Variants in FAM186A observed in about 807,000 individuals in gnomAD.
FAM186A encodes protein FAM186A.
Under a neutral mutation model 216.8 loss-of-function variants are expected in FAM186A, and 163 were observed. That is an observed-to-expected ratio of 0.75 (90% CI 0.66 to 0.86). The LOEUF (loss-of-function observed/expected upper bound fraction) is 0.86. FAM186A is among the 40% of genes least tolerant of loss of function. The pLI, the probability that FAM186A is intolerant of heterozygous loss-of-function variation, is 0.00. For missense variants in FAM186A, 2,184 were observed against 2,746.2 expected, an observed-to-expected ratio of 0.80 and a Z score of 4.58; for synonymous variants, 805 against 1,025.3, an observed-to-expected ratio of 0.79 and a Z score of 4.10.
rs140887681 is a variant in FAM186A at position 50,360,105 on chromosome 12, G to A, written c.583+651C>T. Reference sequence around the variant, plus strand: ...AAAAAGTACAAAAAATTAGCCAGGCGTGGTGGCAGGTGCCTGTAATCCCAG... The same window carrying A: ...AAAAAGTACAAAAAATTAGCCAGGCATGGTGGCAGGTGCCTGTAATCCCAG... On this transcript the variant is annotated intron_variant, in intron 3 of 7. Transcript: ENST00000327337. Among the ~76,000 whole-genome samples, 862 of 151,906 alleles carry A rather than the reference G, an allele frequency of 5.7e-3. 6 individuals are homozygous for A. Among genetic ancestry groups the A allele is most frequent in the African/African-American group, 0.02 (839 of 41,416 alleles).
At chr12:50,356,349 CTAAT>C (rs1942977555) in intron 3 of FAM186A, 101 bp from the exon 4 acceptor site, 2 of 856,060 alleles carry the variant, frequency 2.3e-6, no homozygotes, top group Non-Finnish European at 3.4e-6. Flanking sequence ...TTAACTATAA[CTAAT>C]TAAATATAAG....
intron 1 of FAM186A, among the ~76,000 whole-genome samples, chr12:50,375,050 T>A (rs1395122546): frequency 6.6e-6 from 1 of 152,030 alleles, no homozygotes; most frequent in Admixed American, 6.6e-5. Context: ...TGGTGGCATG[T>A]GCCTGTAGTC....
At chr12:50,361,293 G>A (rs916136485) in intron 2 of FAM186A, among the ~76,000 whole-genome samples, 1 of 152,220 alleles carries the variant, frequency 6.6e-6, no homozygotes. Context: ...CTGCCTCCCA[G>A]GTTCAAGCGA....
chr12:50,337,761 TG>T (rs1403798246), intron 4 of FAM186A, among the ~76,000 whole-genome samples: 1 of 151,946 alleles, frequency 6.6e-6, no homozygotes, highest in Non-Finnish European at 1.5e-5. Flanking sequence ...CTGGGCGTGG[TG>T]GCAAGCGCCT....
chr12:50,339,064 G>A (rs1316412968), intron 4 of FAM186A, among the ~76,000 whole-genome samples: 4 of 151,970 alleles, frequency 2.6e-5, no homozygotes, highest in Non-Finnish European at 5.9e-5. Context: ...GCCCAGGCTG[G>A]AGTGTAGTGG....
chr12:50,363,855 TA>T (rs2136098123), intron 1 of FAM186A, among the ~76,000 whole-genome samples: 1 of 152,256 alleles, frequency 6.6e-6, no homozygotes, highest in East Asian at 1.9e-4. Context: ...GTTATCAGAC[TA>T]TGCCTCAAAC....
intron 1 of FAM186A, among the ~76,000 whole-genome samples, chr12:50,377,991 C>A (rs1421270937): frequency 6.6e-6 from 1 of 152,020 alleles, no homozygotes; most frequent in African/African-American, 2.4e-5. Flanking sequence ...TTTGGGCGGC[C>A]AAGGCAGGTG....
chr12:50,353,783 A>G lies in FAM186A; in HGVS notation c.3049T>C (p.Leu1017=). ...MTLSPRWKSV[L]KDVQRSYEGK... is the part of the protein sequence containing the mutation. ...TCATATGACCGCTGTACATCTTTCAATACACTCTTCCACCTGGGAGATAAT... is the reference window on the plus strand; with the variant it reads ...TCATATGACCGCTGTACATCTTTCAGTACACTCTTCCACCTGGGAGATAAT... Residue 1017 remains leucine, a synonymous_variant, in exon 4 of 8, where the codon TTG becomes CTG. Coordinates refer to ENST00000327337, the MANE Select transcript of FAM186A (RefSeq NM_001145475.3). 2 of 1,551,562 alleles carry G rather than the reference A, an allele frequency of 1.3e-6. No homozygotes were observed. The highest frequency in any genetic ancestry group is 1.7e-6 in the Non-Finnish European group (2 of 1,146,954).
rs12316019 is a variant in FAM186A at position 50,351,853 on chromosome 12, G to A, written c.4979C>T (p.Ala1660Val). 3.3e-4 allele frequency: 504 copies of A among 1,544,080 alleles called. 2 individuals are homozygous for A. The African/African-American group carries it at 6.2e-3, about 19-fold the overall frequency. Reference sequence around the variant, plus strand: ...GGTTTGCTCAGAGGTAAGAGTGACAGCTGACACCCAGGCATTTACTGGGGT... The same window carrying A: ...GGTTTGCTCAGAGGTAAGAGTGACAACTGACACCCAGGCATTTACTGGGGT... ...PITPVNAWVS[A>V]VTLTSEQTHA... The change falls in exon 4 of 8, where the codon GCT becomes GTT. Residue 1660 changes from alanine (A) to valine (V), a missense_variant. By Grantham distance (64) the Ala-to-Val change is moderately conservative. Coordinates refer to ENST00000327337, the MANE Select transcript of FAM186A (RefSeq NM_001145475.3).
At chr12:50,333,881 G>T (rs1942680086) in intron 5 of FAM186A, 30 bp downstream of exon 5, 5 of 1,537,290 alleles carry the variant, frequency 3.3e-6, no homozygotes, top group Non-Finnish European at 4.4e-6. Context: ...TTTACAACAT[G>T]CTGGACAGAG....
rs1482011275 is a variant in FAM186A at position 50,350,488 on chromosome 12, T to C, written c.6344A>G (p.Asn2115Ser). 4 of 1,551,482 alleles carry C rather than the reference T, an allele frequency of 2.6e-6. No individual in the cohort carries two copies. The East Asian group carries it at 7.3e-5, about 28-fold the overall frequency. ...YFVDVEAQKK[N>S]LILLNQAIKT... ...TATAGCCTGATTTAATAGTATCAGG[T>C]TCTTCTTCTGAGCCTCCACATCAAC... Residue 2115 changes from asparagine (N) to serine (S), a missense_variant, in exon 4 of 8, where the codon AAC becomes AGC. Physicochemically the swap from Asn to Ser is conservative, Grantham distance 46. Transcript: ENST00000327337.
chr12:50,375,716 C>CA lies in FAM186A; in HGVS notation c.193-12353dup, dbSNP rs1188382834. 4.7e-3 allele frequency among the ~76,000 whole-genome samples: 533 copies of CA among 112,716 alleles called. 8 individuals are homozygous for CA. The highest frequency in any genetic ancestry group is 0.015 in the African/African-American group (486 of 32,364). The allele number at this position is 112,716 out of a possible 152,430, so 73.9% of individuals were successfully genotyped here. A position where few individuals can be genotyped will look rare whatever the true frequency, so the allele number is the denominator to read the frequency against. Reference sequence around the variant, plus strand: ...TGGGTGACAGAGGGAGACTCCATCTCAAAAAAAAAAAGAAAAAGAAAAAGA... The same window carrying CA: ...TGGGTGACAGAGGGAGACTCCATCTCAAAAAAAAAAAAGAAAAAGAAAAAGA... On this transcript the variant is annotated intron_variant, in intron 1 of 7. Coordinates refer to ENST00000327337, the MANE Select transcript of FAM186A (RefSeq NM_001145475.3).
chr12:50,328,227 A>G (rs956130031), intron 7 of FAM186A, among the ~76,000 whole-genome samples: 26 of 152,190 alleles, frequency 1.7e-4, no homozygotes, highest in African/African-American at 5.8e-4. Flanking sequence ...TGATATATCT[A>G]TACAATGGGC....
intron 4 of FAM186A, among the ~76,000 whole-genome samples, chr12:50,341,411 G>C (rs1315175308): frequency 1.3e-5 from 2 of 152,150 alleles, no homozygotes; most frequent in African/African-American, 4.8e-5. Flanking sequence ...CTTTCTGAAA[G>C]AATGAATTGA....
At chr12:50,342,136 G>GA (rs1008380385) in intron 4 of FAM186A, among the ~76,000 whole-genome samples, 42 of 146,574 alleles carry the variant, frequency 2.9e-4, no homozygotes, top group African/African-American at 6.7e-4. Flanking sequence ...GTCAAGGAAG[G>GA]AAAAAAAAAA....
chr12:50,350,767 T>C lies in FAM186A; in HGVS notation c.6065A>G (p.Tyr2022Cys), dbSNP rs1473537168. The C allele has an allele frequency of 6.4e-7, 1 of 1,551,706 alleles. No homozygotes were observed. The highest frequency in any genetic ancestry group is 1.2e-5 in the South Asian group (1 of 84,056). Residue 2022 changes from tyrosine to cysteine, a missense_variant, in exon 4 of 8, where the codon TAT becomes TGT. This residue lies in a region of FAM186A where 721 missense variants were observed against 816.4 expected (regional missense o/e 0.88). Coordinates refer to ENST00000327337, the MANE Select transcript of FAM186A (RefSeq NM_001145475.3). The part of the protein sequence containing the change: ...FRTFQSHFTK[Y>C]RTPVYQTPYT... ...AGGGGTTTGGTATACTGGTGTCCTA[T>C]ATTTGGTGAAATGGGACTGAAATGT...
At chr12:50,390,100 T>C (rs1407670915) in intron 1 of FAM186A, among the ~76,000 whole-genome samples, 2 of 152,156 alleles carry the variant, frequency 1.3e-5, no homozygotes. Flanking sequence ...CAGGATGGGT[T>C]TGGGGACACA....
chr12:50,367,284 C>T (rs7302363), intron 1 of FAM186A, among the ~76,000 whole-genome samples: 48,714 of 151,542 alleles, frequency 0.32, 8,102 homozygotes, highest in South Asian at 0.49. Flanking sequence ...TTTGGGAGGC[C>T]GAGGCAGGCG....
At chr12:50,391,543 T>G (rs1943357384) in intron 1 of FAM186A, among the ~76,000 whole-genome samples, 1 of 151,418 alleles carries the variant, frequency 6.6e-6, no homozygotes, top group African/African-American at 2.4e-5. Flanking sequence ...CTCAAACTCC[T>G]GACCTTGTGA....
Sources: allele counts gnomAD v4.1 joint callset (sites outside exome capture counted in the v4.1 genomes callset), GRCh38; gene constraint gnomAD v4.1.1; regional missense constraint gnomAD v4.1.1; transcripts MANE v1.5; gene names NCBI Gene and HGNC (gene_info 2026-07-23, HGNC 2026-07-21).